Variants in SCML2 observed in about 807,000 individuals in gnomAD.
The protein encoded by SCML2 is sex comb on midleg-like protein 2.
SCML2 carries 6 observed loss-of-function variants against 48.4 expected under a neutral mutation model. The ratio of observed to expected loss-of-function variants is 0.12; its 90% CI spans 0.07 to 0.24. The LOEUF (loss-of-function observed/expected upper bound fraction) is 0.24. SCML2 is among the 10% of genes least tolerant of loss of function. SCML2 has a pLI of 1.00. For missense variants in SCML2, 377 were observed against 528.2 expected (o/e 0.71, Z 2.81); for synonymous variants, 181 against 189.5 (o/e 0.95, Z 0.37).
intron 2 of SCML2, among the ~76,000 whole-genome samples, chrX:18,332,007 G>A (rs914686201): frequency 1.8e-5 from 2 of 112,208 alleles, no homozygotes; most frequent in African/African-American, 6.5e-5. Flanking sequence ...CTCACAGGAG[G>A]CTCCTAATAT....
At chrX:18,258,719 G>A (rs983769187) in intron 9 of SCML2, among the ~76,000 whole-genome samples, 5 of 110,488 alleles carry the variant, frequency 4.5e-5, no homozygotes, top group African/African-American at 1.3e-4. Flanking sequence ...ATTTTCTAAA[G>A]TAACCAAACA....
chrX:18,279,568 G>A, intron 7 of SCML2, among the ~76,000 whole-genome samples: 1 of 112,234 alleles, frequency 8.9e-6, no homozygotes. Flanking sequence ...GGATGCGCAA[G>A]GAGGCTCATT....
intron 1 of SCML2, among the ~76,000 whole-genome samples, chrX:18,351,787 A>AAAGGT (rs1930385250): frequency 9.0e-6 from 1 of 111,485 alleles, no homozygotes; most frequent in Non-Finnish European, 1.9e-5. Context: ...TTAACCCCAA[A>AAAGGT]AGAAAGGCAG....
At position 18,260,274 on chromosome X, in the gene SCML2, C is replaced by T; in HGVS notation, c.966G>A (p.Val322=). Residue 322 remains valine, a synonymous_variant, in exon 9 of 15, where the codon GTG becomes GTA. Transcript: ENST00000251900. ...NSGKKEKPLP[V]ICSTSAASLK... ...GAGAAGCTGCAGATGTAGAACATAT[C>T]ACGGGCAAAGGTTTTTCCTGTTAAA... 8.3e-7 allele frequency: 1 copy of T among 1,197,957 alleles called. No homozygotes were observed. The highest frequency in any genetic ancestry group is 1.1e-6 in the Non-Finnish European group (1 of 888,235).
At chrX:18,330,686 G>T in intron 2 of SCML2, 31 bp from the exon 3 acceptor site, 1 of 906,945 alleles carries the variant, frequency 1.1e-6, no homozygotes, top group Non-Finnish European at 1.6e-6. Context: ...AATACTGGGA[G>T]TCCACAGCAA....
intron 7 of SCML2, among the ~76,000 whole-genome samples, chrX:18,296,528 T>C (rs1012044898): frequency 9.0e-6 from 1 of 111,112 alleles, no homozygotes; most frequent in African/African-American, 3.3e-5. Context: ...GAGAAACCTA[T>C]TTAGCAAAAT....
chrX:18,254,130 T>C (rs1926758030), intron 11 of SCML2, among the ~76,000 whole-genome samples: 1 of 112,170 alleles, frequency 8.9e-6, no homozygotes, highest in Non-Finnish European at 1.9e-5. Context: ...ACATTCCATG[T>C]ATAATTTTCT....
chrX:18,347,690 C>T (rs1930242590), intron 1 of SCML2, among the ~76,000 whole-genome samples: 1 of 83,141 alleles, frequency 1.2e-5, no homozygotes, highest in African/African-American at 4.5e-5. Context: ...TGCCACTGCA[C>T]TCCAGCCTGG....
At chrX:18,338,592 A>T (rs1185299144) in intron 1 of SCML2, among the ~76,000 whole-genome samples, 1 of 109,893 alleles carries the variant, frequency 9.1e-6, no homozygotes, top group Admixed American at 9.8e-5. Flanking sequence ...AGGAATGGGG[A>T]GTTGGTCAAA....
chrX:18,314,177 A>C (rs1192716097), intron 6 of SCML2, among the ~76,000 whole-genome samples: 1 of 111,791 alleles, frequency 8.9e-6, no homozygotes, highest in African/African-American at 3.3e-5. Context: ...CCTTAAGTAC[A>C]TGATATGGGC....
chrX:18,280,157 G>C (rs917011434), intron 7 of SCML2, among the ~76,000 whole-genome samples: 4 of 111,837 alleles, frequency 3.6e-5, no homozygotes, highest in Admixed American at 2.9e-4. Flanking sequence ...CAGACTATCA[G>C]TAGACCCTCA....
chrX:18,282,989 T>A (rs750803472), intron 7 of SCML2, among the ~76,000 whole-genome samples: 1 of 110,267 alleles, frequency 9.1e-6, no homozygotes, highest in South Asian at 3.9e-4. Context: ...GGCAGAGACA[T>A]GACAAAGAAA....
At chrX:18,310,480 G>A (rs772592365) in intron 6 of SCML2, among the ~76,000 whole-genome samples, 40 of 109,774 alleles carry the variant, frequency 3.6e-4, no homozygotes, top group African/African-American at 1.2e-3. Flanking sequence ...TGGCCAGGCC[G>A]GTCTCGAACT....
chrX:18,253,407 A>G (rs1362454291), intron 11 of SCML2, among the ~76,000 whole-genome samples: 1 of 112,054 alleles, frequency 8.9e-6, no homozygotes, highest in East Asian at 2.8e-4. Flanking sequence ...AAGACCATAT[A>G]ACCAACTATT....
intron 7 of SCML2, among the ~76,000 whole-genome samples, chrX:18,272,168 C>A: frequency 8.9e-6 from 1 of 111,744 alleles, no homozygotes. Flanking sequence ...ATTAAACATT[C>A]GTAACAACCA....
At chrX:18,273,532 C>T (rs1012003550) in intron 7 of SCML2, among the ~76,000 whole-genome samples, 2 of 111,590 alleles carry the variant, frequency 1.8e-5, no homozygotes, top group Admixed American at 9.5e-5. Context: ...ATGCTTCCTC[C>T]CTCCAAATGT....
chrX:18,347,265 T>C (rs1002678704), intron 1 of SCML2, among the ~76,000 whole-genome samples: 5 of 106,129 alleles, frequency 4.7e-5, no homozygotes, highest in African/African-American at 6.9e-5. Context: ...GCCAACATGG[T>C]AAAACCCCGT....
chrX:18,331,863 G>A (rs985002919), intron 2 of SCML2, among the ~76,000 whole-genome samples: 1 of 111,672 alleles, frequency 9.0e-6, no homozygotes, highest in Non-Finnish European at 1.9e-5. Context: ...CACAGAGTTC[G>A]GTTCCTCTGT....
intron 7 of SCML2, 127 bp from the exon 8 acceptor site, chrX:18,265,929 T>G (rs1320455298): frequency 4.6e-6 from 2 of 434,570 alleles, no homozygotes; most frequent in East Asian, 7.7e-5. Context: ...GAAAACCACT[T>G]AAAACTAAAA....
Sources: gnomAD v4.1 joint callset for allele counts (sites outside exome capture counted in the v4.1 genomes callset) on GRCh38, gnomAD v4.1.1 for gene constraint, MANE v1.5 for transcripts, NCBI Gene and HGNC (gene_info 2026-07-23, HGNC 2026-07-21) for gene names.